Variants in ARHGAP42 observed in about 807,000 individuals in gnomAD.
ARHGAP42 encodes rho GTPase-activating protein 42.
In ARHGAP42, 63 loss-of-function variants were observed where a neutral mutation model predicts 125.0. The ratio of observed to expected loss-of-function variants is 0.50; its 90% CI spans 0.41 to 0.62. The LOEUF (loss-of-function observed/expected upper bound fraction) is 0.62. Among genes scored for constraint, ARHGAP42 ranks in the 20% least tolerant of loss-of-function variants. The pLI is 0.00. For missense variants in ARHGAP42, 766 were observed against 1,024.2 expected, an observed-to-expected ratio of 0.75 and a Z score of 3.44; for synonymous variants, 339 against 351.0, an observed-to-expected ratio of 0.97 and a Z score of 0.38.
intron 1 of ARHGAP42, among the ~76,000 whole-genome samples, chr11:100,750,924 C>T (rs1484588369): frequency 6.6e-6 from 1 of 150,460 alleles, no homozygotes; most frequent in Non-Finnish European, 1.5e-5. Context: ...CTTCATTCTT[C>T]CTTGATGTAT....
chr11:100,881,256 C>T (rs572114149), intron 4 of ARHGAP42, among the ~76,000 whole-genome samples: 2 of 152,112 alleles, frequency 1.3e-5, no homozygotes, highest in South Asian at 2.1e-4. Flanking sequence ...TTGAGTTGAT[C>T]TTTACATAAG....
At chr11:100,705,618 A>T (rs1179683883) in intron 1 of ARHGAP42, among the ~76,000 whole-genome samples, 1 of 152,236 alleles carries the variant, frequency 6.6e-6, no homozygotes, top group Non-Finnish European at 1.5e-5. Flanking sequence ...ACTAGAGAGA[A>T]ATTAGACCAG....
chr11:100,924,683 A>G (rs1333697269), intron 6 of ARHGAP42, among the ~76,000 whole-genome samples: 2 of 151,928 alleles, frequency 1.3e-5, no homozygotes, highest in African/African-American at 4.8e-5. Flanking sequence ...TAAATAAGGA[A>G]ATAAATAAAT....
chr11:100,821,146 G>A (rs1321307208), intron 3 of ARHGAP42, among the ~76,000 whole-genome samples: 1 of 152,064 alleles, frequency 6.6e-6, no homozygotes, highest in Non-Finnish European at 1.5e-5. Context: ...TGAGCTCCCT[G>A]TAAGTATAAA....
At chr11:100,891,285 C>T (rs1157794064) in intron 4 of ARHGAP42, among the ~76,000 whole-genome samples, 1 of 152,142 alleles carries the variant, frequency 6.6e-6, no homozygotes, top group Admixed American at 6.5e-5. Context: ...CTTGTCCCTC[C>T]TCCCTCTTCG....
chr11:100,783,806 G>A (rs1385477100), intron 2 of ARHGAP42, among the ~76,000 whole-genome samples: 2 of 152,190 alleles, frequency 1.3e-5, no homozygotes, highest in African/African-American at 4.8e-5. Context: ...AGTTCATGCT[G>A]ATGTGGACTT....
intron 4 of ARHGAP42, among the ~76,000 whole-genome samples, chr11:100,887,436 C>T (rs1228845035): frequency 2.0e-5 from 3 of 152,164 alleles, no homozygotes; most frequent in African/African-American, 7.2e-5. Flanking sequence ...CCTCTCATAA[C>T]CCTTATCTAA....
At chr11:100,734,260 C>T (rs375531929) in intron 1 of ARHGAP42, among the ~76,000 whole-genome samples, 13 of 150,916 alleles carry the variant, frequency 8.6e-5, no homozygotes, top group African/African-American at 2.7e-4. Context: ...GATTGTTATC[C>T]GTGAAATCCA....
rs116171007 is a variant in ARHGAP42, at chr11:100,891,112, G to A, written c.385-22340G>A. On this transcript the variant is annotated intron_variant, in intron 4 of 23. Transcript: ENST00000298815. ...TTTTTCTGAGGCATGTGAGACAGAC[G>A]CAACCTTGAAAAAGGGAAGCATTGC... Among the ~76,000 whole-genome samples, 744 of 152,202 alleles carry A rather than the reference G, an allele frequency of 4.9e-3. 4 individuals carry two copies. Among genetic ancestry groups the A allele is most frequent in the African/African-American group, 0.017 (715 of 41,536 alleles).
At chr11:100,888,270 C>T (rs755387810) in intron 4 of ARHGAP42, among the ~76,000 whole-genome samples, 4 of 151,690 alleles carry the variant, frequency 2.6e-5, no homozygotes, top group Non-Finnish European at 5.9e-5. Flanking sequence ...TTTAGCTTGA[C>T]GTGTATCCCC....
intron 3 of ARHGAP42, 102 bp downstream of exon 3, chr11:100,795,268 A>T (rs1863682508): frequency 1.5e-5 from 11 of 711,928 alleles, no homozygotes; most frequent in Middle Eastern, 5.2e-4. Context: ...AGGCCTTATG[A>T]TTTGACACGT....
chr11:100,690,777 T>G (rs1435903542), intron 1 of ARHGAP42, among the ~76,000 whole-genome samples: 1 of 151,976 alleles, frequency 6.6e-6, no homozygotes, highest in Non-Finnish European at 1.5e-5. Flanking sequence ...TTTGTATTTT[T>G]TTTTAGTAGA....
chr11:100,867,899 G>A (rs572648201), intron 4 of ARHGAP42, among the ~76,000 whole-genome samples: 98 of 152,214 alleles, frequency 6.4e-4, no homozygotes, highest in East Asian at 2.1e-3. Flanking sequence ...ATTGTGTGTC[G>A]GGGAAGAGGG....
At chr11:100,690,474 A>T (rs1861168103) in intron 1 of ARHGAP42, among the ~76,000 whole-genome samples, 1 of 152,218 alleles carries the variant, frequency 6.6e-6, no homozygotes, top group South Asian at 2.1e-4. Context: ...TTTCTTCAGT[A>T]GACTATTTGG....
intron 18 of ARHGAP42, 55 bp from the exon 19 acceptor site, chr11:100,974,404 T>C: frequency 6.7e-7 from 1 of 1,494,284 alleles, no homozygotes; most frequent in Non-Finnish European, 9.0e-7. Flanking sequence ...TATTTTATAA[T>C]GAAAGTGGCA....
chr11:100,962,321 G>A, intron 15 of ARHGAP42, 88 bp from the exon 16 acceptor site: 1 of 989,442 alleles, frequency 1.0e-6, no homozygotes, highest in South Asian at 1.7e-5. Flanking sequence ...ATGAATAACA[G>A]TCACCTAATT....
chr11:100,837,668 T>TATTA (rs753507239), intron 3 of ARHGAP42, among the ~76,000 whole-genome samples: 1 of 73,180 alleles, frequency 1.4e-5, no homozygotes, highest in East Asian at 4.5e-4. Flanking sequence ...GTGTCATCCT[T>TATTA]TTTTTTTTTT....
intron 4 of ARHGAP42, among the ~76,000 whole-genome samples, chr11:100,898,933 T>G (rs1466920851): frequency 6.6e-6 from 1 of 152,210 alleles, no homozygotes; most frequent in East Asian, 1.9e-4. Context: ...ATTGTGATGT[T>G]AGGGTGTCGA....
chr11:100,693,019 G>T lies in ARHGAP42; in HGVS notation c.154+5187G>T, dbSNP rs563227353. 3.3e-5 allele frequency among the ~76,000 whole-genome samples: 5 copies of T among 152,276 alleles called. 1 individual carries two copies. In the South Asian group the frequency reaches 8.3e-4, roughly 25 times the overall value. On this transcript the variant is annotated intron_variant, in intron 1 of 23. Coordinates refer to ENST00000298815, the MANE Select transcript of ARHGAP42 (RefSeq NM_152432.4). ...TAGAATTTTTGGTAGCACAAGGAAAGAATTAAAAGGGGGAAAAAGGCAAGT... is the reference window on the plus strand; with the variant it reads ...TAGAATTTTTGGTAGCACAAGGAAATAATTAAAAGGGGGAAAAAGGCAAGT...
Sources: allele counts gnomAD v4.1 joint callset (sites outside exome capture counted in the v4.1 genomes callset), GRCh38; gene constraint gnomAD v4.1.1; transcripts MANE v1.5; gene names NCBI Gene and HGNC (gene_info 2026-07-23, HGNC 2026-07-21).